The following INPP4B variants were observed in gnomAD, a reference collection of about 807,000 sequenced individuals.
The protein encoded by INPP4B is inositol polyphosphate 4-phosphatase type II.
Under a neutral mutation model 122.5 loss-of-function variants are expected in INPP4B, and 55 were observed. That is an observed-to-expected ratio of 0.45 (90% CI 0.36 to 0.56). INPP4B has a LOEUF of 0.56. Ranked by LOEUF, INPP4B falls within the 20% of genes least tolerant of loss-of-function variation. The pLI is 0.00. For missense variants in INPP4B, 1,000 were observed against 1,097.7 expected (o/e 0.91, Z 1.26); for synonymous variants, 403 against 388.7 (o/e 1.04, Z -0.43).
At chr4:142,125,335 T>G (rs1284004581) in intron 18 of INPP4B, among the ~76,000 whole-genome samples, 2 of 151,426 alleles carry the variant, frequency 1.3e-5, no homozygotes, top group Admixed American at 1.3e-4. Flanking sequence ...ATTGTACCAC[T>G]CACTCCTCAC....
intron 2 of INPP4B, among the ~76,000 whole-genome samples, chr4:142,491,838 C>G (rs1415777071): frequency 2.0e-5 from 3 of 152,296 alleles, no homozygotes; most frequent in Admixed American, 2.0e-4. Flanking sequence ...CAAAAGGTAA[C>G]AAGTACTGGA....
chr4:142,602,949 T>A (rs958112871), intron 2 of INPP4B, among the ~76,000 whole-genome samples: 3 of 152,004 alleles, frequency 2.0e-5, no homozygotes, highest in African/African-American at 7.3e-5. Context: ...AGCAAAGACA[T>A]GAATCGACCT....
At chr4:142,558,496 T>G (rs549732064) in intron 2 of INPP4B, among the ~76,000 whole-genome samples, 85 of 152,182 alleles carry the variant, frequency 5.6e-4, no homozygotes, top group Non-Finnish European at 9.4e-4. Context: ...AAGTTATTAC[T>G]AATATATCTA....
intron 24 of INPP4B, among the ~76,000 whole-genome samples, chr4:142,083,333 C>A (rs531473018): frequency 6.6e-6 from 1 of 152,184 alleles, no homozygotes; most frequent in African/African-American, 2.4e-5. Flanking sequence ...ATGGTTCTTT[C>A]TTTTTGTTAT....
chr4:142,715,891 T>C (rs955861247), intron 2 of INPP4B, among the ~76,000 whole-genome samples: 4 of 152,198 alleles, frequency 2.6e-5, no homozygotes, highest in African/African-American at 9.7e-5. Flanking sequence ...TTTATTTACA[T>C]GGTTGGCAAA....
intron 7 of INPP4B, among the ~76,000 whole-genome samples, chr4:142,340,084 G>T (rs190054658): frequency 1.3e-5 from 2 of 152,214 alleles, no homozygotes; most frequent in East Asian, 1.9e-4. Flanking sequence ...CCAAACTGGG[G>T]TATATTTAAT....
At chr4:142,062,098 G>C (rs1254805154) in intron 25 of INPP4B, among the ~76,000 whole-genome samples, 1 of 151,982 alleles carries the variant, frequency 6.6e-6, no homozygotes, top group Non-Finnish European at 1.5e-5. Context: ...ACTTTAGTTA[G>C]ACTATTTCCT....
intron 18 of INPP4B, among the ~76,000 whole-genome samples, chr4:142,139,132 T>A (rs1020462418): frequency 6.6e-6 from 1 of 152,184 alleles, no homozygotes; most frequent in Admixed American, 6.5e-5. Flanking sequence ...ACTGAACGTG[T>A]TCCTGGATAC....
intron 21 of INPP4B, among the ~76,000 whole-genome samples, chr4:142,118,892 C>T (rs1408546394): frequency 6.6e-6 from 1 of 151,914 alleles, no homozygotes; most frequent in Non-Finnish European, 1.5e-5. Context: ...TACAATCTAT[C>T]TATCTGACAA....
chr4:142,380,370 G>A (rs1793656430), intron 7 of INPP4B, among the ~76,000 whole-genome samples: 1 of 152,070 alleles, frequency 6.6e-6, no homozygotes, highest in South Asian at 2.1e-4. Context: ...ATTCTCTACA[G>A]ACGTTGAGCA....
At chr4:142,218,178 G>A (rs1158899834) in intron 12 of INPP4B, among the ~76,000 whole-genome samples, 1 of 152,150 alleles carries the variant, frequency 6.6e-6, no homozygotes, top group Non-Finnish European at 1.5e-5. Flanking sequence ...GTTGGTGATG[G>A]TGGGAGGGAG....
chr4:142,510,371 A>G (rs1466007274), intron 2 of INPP4B, among the ~76,000 whole-genome samples: 2 of 152,190 alleles, frequency 1.3e-5, no homozygotes, highest in Non-Finnish European at 2.9e-5. Context: ...TGGCAAGAAA[A>G]CTTTAGCAGG....
intron 3 of INPP4B, among the ~76,000 whole-genome samples, chr4:142,448,221 T>C (rs553950809): frequency 6.6e-6 from 1 of 150,386 alleles, no homozygotes; most frequent in African/African-American, 2.5e-5. Flanking sequence ...TGTCCAGGCA[T>C]GGAGTGCTGG....
intron 7 of INPP4B, among the ~76,000 whole-genome samples, chr4:142,319,856 A>G (rs1031663519): frequency 6.6e-6 from 1 of 152,168 alleles, no homozygotes; most frequent in Non-Finnish European, 1.5e-5. Context: ...CCACAAACTT[A>G]GCTGCTTAAA....
intron 8 of INPP4B, among the ~76,000 whole-genome samples, chr4:142,307,106 T>C (rs1447054291): frequency 3.3e-5 from 5 of 151,862 alleles, no homozygotes; most frequent in Admixed American, 6.6e-5. Context: ...GGACCGTGAG[T>C]GATGAAGTAG....
chr4:142,355,962 A>G (rs1407128942), intron 7 of INPP4B, among the ~76,000 whole-genome samples: 1 of 151,496 alleles, frequency 6.6e-6, no homozygotes, highest in Non-Finnish European at 1.5e-5. Context: ...AAGATTACCT[A>G]TTTTTAAAAT....
At chr4:142,341,255 A>C (rs932846000) in intron 7 of INPP4B, among the ~76,000 whole-genome samples, 2 of 152,212 alleles carry the variant, frequency 1.3e-5, no homozygotes, top group African/African-American at 4.8e-5. Context: ...AACAGACATG[A>C]TGCAACATGC....
chr4:142,585,316 T>C (rs1473790793), intron 2 of INPP4B, among the ~76,000 whole-genome samples: 2 of 152,200 alleles, frequency 1.3e-5, no homozygotes, highest in Non-Finnish European at 2.9e-5. Context: ...GGCTGTCAAA[T>C]GCTCACTTTT....
chr4:142,598,919 C>CA (rs1472617549), intron 2 of INPP4B, among the ~76,000 whole-genome samples: 1 of 152,154 alleles, frequency 6.6e-6, no homozygotes, highest in Non-Finnish European at 1.5e-5. Context: ...CTGGGAGTGC[C>CA]AAGTGCACCC....
Sources: allele counts gnomAD v4.1 joint callset (sites outside exome capture counted in the v4.1 genomes callset), GRCh38; gene constraint gnomAD v4.1.1; transcripts MANE v1.5; gene names NCBI Gene and HGNC (gene_info 2026-07-23, HGNC 2026-07-21).